Variants in ZSWIM6 observed in about 807,000 individuals in gnomAD.
The protein encoded by ZSWIM6 is zinc finger SWIM domain-containing protein 6.
Under a neutral mutation model 113.2 loss-of-function variants are expected in ZSWIM6, and 9 were observed. That is an observed-to-expected ratio of 0.08 (90% confidence interval 0.05 to 0.14). The LOEUF (loss-of-function observed/expected upper bound fraction) is 0.14, where lower values mean the gene tolerates loss of function less well. ZSWIM6 is among the 10% of genes least tolerant of loss of function. ZSWIM6 has a pLI of 1.00. For missense variants in ZSWIM6, 1,162 were observed against 1,552.2 expected, an observed-to-expected ratio of 0.75 and a Z score of 4.22; for synonymous variants, 611 against 606.5, an observed-to-expected ratio of 1.01 and a Z score of -0.11.
chr5:61,520,103 G>A (rs1360478693), intron 4 of ZSWIM6, among the ~76,000 whole-genome samples: 5 of 152,160 alleles, frequency 3.3e-5, no homozygotes, highest in South Asian at 4.1e-4. Context: ...TCTGCAGCCT[G>A]GGGGTTGGGG....
rs532542892 is a variant in ZSWIM6, at chr5:61,394,061, AATATTT to A, written c.676+61119_676+61124del. On this transcript the variant is annotated intron_variant, in intron 1 of 13. Coordinates refer to ENST00000252744, the MANE Select transcript of ZSWIM6 (RefSeq NM_020928.2). ...GTAAGGACTTTGTTTTAGTTTGGGGAATATTTATATTGATGCTCTGTTTGATTAAAT... is the reference window on the plus strand; with the variant it reads ...GTAAGGACTTTGTTTTAGTTTGGGGAATATTGATGCTCTGTTTGATTAAAT... Among the ~76,000 whole-genome samples the A allele has an allele frequency of 1.9e-3, 291 of 152,274 alleles. 1 individual carries two copies. The highest frequency in any genetic ancestry group is 6.5e-3 in the African/African-American group (268 of 41,546).
intron 1 of ZSWIM6, among the ~76,000 whole-genome samples, chr5:61,366,056 A>G (rs780720853): frequency 2.4e-4 from 36 of 151,936 alleles, no homozygotes; most frequent in Admixed American, 4.6e-4. Context: ...CACCATGCCT[A>G]GCTAATTTTT....
At chr5:61,365,330 C>T (rs998936419) in intron 1 of ZSWIM6, among the ~76,000 whole-genome samples, 11 of 142,998 alleles carry the variant, frequency 7.7e-5, no homozygotes, top group South Asian at 2.3e-4. Flanking sequence ...CCAGCCTGGG[C>T]GACAGAGCGG....
intron 1 of ZSWIM6, among the ~76,000 whole-genome samples, chr5:61,412,466 A>G (rs899036736): frequency 2.6e-5 from 4 of 152,132 alleles, no homozygotes; most frequent in Non-Finnish European, 5.9e-5. Context: ...ATGTGGAGGC[A>G]TTTATTGTTT....
intron 1 of ZSWIM6, among the ~76,000 whole-genome samples, chr5:61,406,690 T>TTTTA (rs3067225): frequency 0.16 from 22,807 of 145,804 alleles, 1,948 homozygotes; most frequent in Admixed American, 0.22. Flanking sequence ...CTCAGAAATC[T>TTTTA]TTTATTTATT....
At chr5:61,357,728 G>C (rs1345620023) in intron 1 of ZSWIM6, among the ~76,000 whole-genome samples, 1 of 151,962 alleles carries the variant, frequency 6.6e-6, no homozygotes, top group Non-Finnish European at 1.5e-5. Flanking sequence ...AATAATCTCA[G>C]AATAGAAGAC....
chr5:61,368,401 A>G (rs1745202971), intron 1 of ZSWIM6, among the ~76,000 whole-genome samples: 1 of 152,234 alleles, frequency 6.6e-6, no homozygotes, highest in Non-Finnish European at 1.5e-5. Flanking sequence ...GACTTATTTT[A>G]GGACTACTGC....
At position 61,360,975 on chromosome 5, in the gene ZSWIM6, C is replaced by T. The variant is rs548483223; in HGVS notation, c.676+28027C>T. Among the ~76,000 whole-genome samples the T allele has an allele frequency of 1.9e-3, 292 of 152,064 alleles. 1 individual carries two copies. The highest frequency in any genetic ancestry group is 6.5e-3 in the African/African-American group (269 of 41,468). ...AATTTAGGTGTGTTATATAAGAAGC[C>T]CCTTAATGTTAATTTTATATTTAAA... is the stretch of plus-strand genomic sequence containing the variant. On this transcript the variant is annotated intron_variant, in intron 1 of 13. Coordinates refer to ENST00000252744, the MANE Select transcript of ZSWIM6 (RefSeq NM_020928.2).
intron 1 of ZSWIM6, among the ~76,000 whole-genome samples, chr5:61,396,137 G>C (rs761609142): frequency 5.3e-5 from 8 of 152,224 alleles, no homozygotes; most frequent in Middle Eastern, 6.8e-3. Context: ...CTAGCTGTGG[G>C]CTTTGGATCT....
chr5:61,497,689 A>C lies in ZSWIM6; in HGVS notation c.1333+3279A>C, dbSNP rs188673859. On this transcript the variant is annotated intron_variant, in intron 4 of 13. Transcript: ENST00000252744. ...TCTCTACATGGTGTTTATTTTCCCA[A>C]ACATACACCAGTGTTCTCAAGATGA... Among the ~76,000 whole-genome samples the C allele has an allele frequency of 1.1e-4, 17 of 152,336 alleles. 1 individual carries two copies. The highest frequency in any genetic ancestry group is 4.1e-4 in the African/African-American group (17 of 41,584).
At chr5:61,512,644 A>C (rs965076301) in intron 4 of ZSWIM6, among the ~76,000 whole-genome samples, 2 of 152,068 alleles carry the variant, frequency 1.3e-5, no homozygotes, top group African/African-American at 2.4e-5. Context: ...TCAGGTTAAA[A>C]ATTTTTTTTA....
At chr5:61,340,488 A>G (rs1380869567) in intron 1 of ZSWIM6, among the ~76,000 whole-genome samples, 2 of 152,238 alleles carry the variant, frequency 1.3e-5, no homozygotes, top group East Asian at 1.9e-4. Flanking sequence ...TTCTTAAAAT[A>G]TGCTGAAAGA....
intron 1 of ZSWIM6, among the ~76,000 whole-genome samples, chr5:61,370,402 A>G (rs7445500): frequency 0.025 from 3,756 of 152,318 alleles, 165 homozygotes; most frequent in South Asian, 0.18. Flanking sequence ...TGTATTTCCT[A>G]TGCATTAAAT....
At chr5:61,483,158 T>C (rs1580023897) in intron 2 of ZSWIM6, among the ~76,000 whole-genome samples, 1 of 152,240 alleles carries the variant, frequency 6.6e-6, no homozygotes, top group East Asian at 1.9e-4. Flanking sequence ...TTCTTGCTGG[T>C]GGGGACTCTG....
intron 1 of ZSWIM6, among the ~76,000 whole-genome samples, chr5:61,450,424 C>T (rs1229426232): frequency 2.0e-5 from 3 of 152,062 alleles, no homozygotes; most frequent in Non-Finnish European, 4.4e-5. Context: ...ATTCCAGAGA[C>T]TCTTGCTTTA....
rs1218057106 is a variant in ZSWIM6, at chr5:61,545,039, C to A, written c.*722C>A. 6.7e-6 allele frequency: 1 copy of A among 149,870 alleles called. No homozygotes were observed. The highest frequency in any genetic ancestry group is 2.5e-5 in the African/African-American group (1 of 40,470). The allele number at this position is 149,870 out of a possible 1,614,324, so 9.3% of individuals were successfully genotyped here. A position where few individuals can be genotyped will look rare whatever the true frequency, so the allele number is the denominator to read the frequency against. ...TTTATAAAAAATATTCTATGTAATGCAAAATACTTGAAGCTGCAGTAGCTT... is the reference window on the plus strand; with the variant it reads ...TTTATAAAAAATATTCTATGTAATGAAAAATACTTGAAGCTGCAGTAGCTT... On this transcript the variant is annotated 3_prime_UTR_variant, in exon 14 of 14. Transcript: ENST00000252744.
intron 9 of ZSWIM6, 26 bp from the exon 10 acceptor site, chr5:61,535,457 TA>T (rs1345814517): frequency 1.3e-6 from 2 of 1,549,448 alleles, no homozygotes; most frequent in East Asian, 4.9e-5. Context: ...TTTAGGAACG[TA>T]AAATGTGTAT....
chr5:61,426,475 G>T (rs1404720640), intron 1 of ZSWIM6, among the ~76,000 whole-genome samples: 1 of 151,988 alleles, frequency 6.6e-6, no homozygotes, highest in Non-Finnish European at 1.5e-5. Context: ...AACCATTTTG[G>T]AATATTTTCT....
intron 1 of ZSWIM6, among the ~76,000 whole-genome samples, chr5:61,381,902 GA>G (rs1348293718): frequency 1.3e-5 from 2 of 152,220 alleles, no homozygotes; most frequent in Non-Finnish European, 2.9e-5. Context: ...TGTGGAAGTA[GA>G]ATGCATATAT....
Sources: gnomAD v4.1 joint callset for allele counts (sites outside exome capture counted in the v4.1 genomes callset) on GRCh38, gnomAD v4.1.1 for gene constraint, MANE v1.5 for transcripts, NCBI Gene and HGNC (gene_info 2026-07-23, HGNC 2026-07-21) for gene names.